Variants in MAN2A1 observed in about 807,000 individuals in gnomAD.
MAN2A1 encodes the protein alpha-mannosidase 2.
Under a neutral mutation model 142.6 loss-of-function variants are expected in MAN2A1, and 76 were observed. The observed-to-expected ratio is 0.53, with a 90% CI of 0.44 to 0.65. The LOEUF (loss-of-function observed/expected upper bound fraction) is 0.65, where lower values mean the gene tolerates loss of function less well. Ranked by LOEUF, MAN2A1 falls within the 30% of genes least tolerant of loss-of-function variation. The pLI is 0.00. For synonymous variants in MAN2A1, 559 were observed against 473.2 expected, an observed-to-expected ratio of 1.18 and a Z score of -2.35; for missense variants, 1,311 against 1,365.1, an observed-to-expected ratio of 0.96 and a Z score of 0.62.
chr5:109,760,804 G>A (rs1412591748), intron 5 of MAN2A1, among the ~76,000 whole-genome samples: 10 of 151,658 alleles, frequency 6.6e-5, no homozygotes, highest in Non-Finnish European at 1.2e-4. Context: ...CATATCTTTC[G>A]CCCACTTTTT....
intron 12 of MAN2A1, among the ~76,000 whole-genome samples, chr5:109,816,881 G>A (rs1404129648): frequency 6.6e-6 from 1 of 152,108 alleles, no homozygotes; most frequent in Admixed American, 6.6e-5. Flanking sequence ...CCTTTGTACT[G>A]TGTGATATTT....
At chr5:109,760,626 C>T (rs1752816513) in intron 5 of MAN2A1, among the ~76,000 whole-genome samples, 1 of 152,174 alleles carries the variant, frequency 6.6e-6, no homozygotes, top group African/African-American at 2.4e-5. Flanking sequence ...TTCTCCACAT[C>T]CTGTCCCGCA....
chr5:109,815,090 T>C (rs576924403), intron 12 of MAN2A1, among the ~76,000 whole-genome samples: 1 of 152,312 alleles, frequency 6.6e-6, no homozygotes, highest in South Asian at 2.1e-4. Context: ...TGAACATCTT[T>C]GGTACAGAGA....
At chr5:109,768,727 C>A (rs1271949257) in intron 6 of MAN2A1, among the ~76,000 whole-genome samples, 1 of 152,066 alleles carries the variant, frequency 6.6e-6, no homozygotes, top group Non-Finnish European at 1.5e-5. Context: ...GTAAGGAAAG[C>A]ATTAGCTATA....
chr5:109,794,955 T>G (rs1753823745), intron 12 of MAN2A1, among the ~76,000 whole-genome samples: 1 of 152,038 alleles, frequency 6.6e-6, no homozygotes, highest in African/African-American at 2.4e-5. Context: ...TGTAGTCTAC[T>G]GGAGTGTTTT....
rs1011675068 is a variant in MAN2A1 at position 109,732,864 on chromosome 5, A to G, written c.707+3351A>G. Among the ~76,000 whole-genome samples, 5 of 151,650 alleles carry G rather than the reference A, an allele frequency of 3.3e-5. No homozygotes were observed. In the East Asian group the frequency reaches 9.7e-4, roughly 29 times the overall value. Reference sequence around the variant, plus strand: ...GATGCGGGCTCTTTTTTGGTTCCATATGAACTTTAAAGTAGTTTTTTCCAA... The same window carrying G: ...GATGCGGGCTCTTTTTTGGTTCCATGTGAACTTTAAAGTAGTTTTTTCCAA... On this transcript the variant is annotated intron_variant, in intron 4 of 21. Coordinates refer to ENST00000261483, the MANE Select transcript of MAN2A1 (RefSeq NM_002372.4).
intron 4 of MAN2A1, among the ~76,000 whole-genome samples, chr5:109,752,044 A>G (rs1379673760): frequency 1.3e-5 from 2 of 151,988 alleles, no homozygotes; most frequent in Admixed American, 6.6e-5. Context: ...TCCTTTCTCA[A>G]CGCAATTGCA....
chr5:109,720,434 A>G (rs1441951211), intron 3 of MAN2A1, among the ~76,000 whole-genome samples: 2 of 152,208 alleles, frequency 1.3e-5, no homozygotes, highest in Non-Finnish European at 2.9e-5. Context: ...TATGATAATT[A>G]TGTATCCTCT....
chr5:109,715,622 AC>A (rs1208962450), intron 2 of MAN2A1, among the ~76,000 whole-genome samples: 1 of 152,168 alleles, frequency 6.6e-6, no homozygotes, highest in Non-Finnish European at 1.5e-5. Context: ...GGTAGATATA[AC>A]ATATGCTACA....
chr5:109,763,008 A>T (rs1206853645), intron 5 of MAN2A1, among the ~76,000 whole-genome samples: 1 of 152,250 alleles, frequency 6.6e-6, no homozygotes, highest in Admixed American at 6.5e-5. Context: ...GGTTATTTCA[A>T]AGTTACTTCC....
intron 20 of MAN2A1, among the ~76,000 whole-genome samples, chr5:109,855,611 A>G (rs1017851500): frequency 5.9e-5 from 9 of 152,172 alleles, no homozygotes; most frequent in Non-Finnish European, 1.2e-4. Flanking sequence ...GTTTAGCACT[A>G]GTGACTTTTC....
intron 1 of MAN2A1, among the ~76,000 whole-genome samples, chr5:109,709,221 C>T (rs1751227826): frequency 6.6e-6 from 1 of 152,162 alleles, no homozygotes; most frequent in South Asian, 2.1e-4. Context: ...ATATTAAGTT[C>T]AACCTTACGA....
chr5:109,841,136 T>A (rs546160864), intron 16 of MAN2A1, among the ~76,000 whole-genome samples: 3 of 152,198 alleles, frequency 2.0e-5, no homozygotes, highest in Non-Finnish European at 4.4e-5. Flanking sequence ...AATATCTCTC[T>A]CGCACCGTTT....
At chr5:109,782,813 T>G (rs1183761475) in intron 9 of MAN2A1, among the ~76,000 whole-genome samples, 1 of 152,100 alleles carries the variant, frequency 6.6e-6, no homozygotes, top group African/African-American at 2.4e-5. Flanking sequence ...TGTACATATT[T>G]ATGGAGTACA....
intron 5 of MAN2A1, 61 bp downstream of exon 5, chr5:109,755,517 G>A (rs1752666019): frequency 7.6e-7 from 1 of 1,318,860 alleles, no homozygotes; most frequent in African/African-American, 1.5e-5. Context: ...GGGATGTGAA[G>A]TGAGGCTCTG....
chr5:109,804,313 A>G (rs931638285), intron 12 of MAN2A1: 2 of 982,310 alleles, frequency 2.0e-6, no homozygotes, highest in Admixed American at 6.2e-5. Context: ...CTTTGGACTT[A>G]TTTATTTCAT....
chr5:109,864,740 A>G (rs960404723), intron 20 of MAN2A1: 1 of 279,764 alleles, frequency 3.6e-6, no homozygotes, highest in African/African-American at 2.2e-5. Flanking sequence ...ATAAAACAAT[A>G]TATAATGTAT....
intron 21 of MAN2A1, among the ~76,000 whole-genome samples, chr5:109,866,265 A>G (rs1755880735): frequency 1.3e-5 from 2 of 152,150 alleles, no homozygotes; most frequent in African/African-American, 2.4e-5. Flanking sequence ...TATACGATCC[A>G]GAGAGACAGA....
At chr5:109,782,310 A>G (rs1269473298) in intron 9 of MAN2A1, among the ~76,000 whole-genome samples, 1 of 152,188 alleles carries the variant, frequency 6.6e-6, no homozygotes, top group African/African-American at 2.4e-5. Context: ...GATAGGTTCT[A>G]TTTCTGCACT....
Sources: gnomAD v4.1 joint callset for allele counts (sites outside exome capture counted in the v4.1 genomes callset) on GRCh38, gnomAD v4.1.1 for gene constraint, MANE v1.5 for transcripts, NCBI Gene and HGNC (gene_info 2026-07-23, HGNC 2026-07-21) for gene names.